Variants in PTPRT observed in about 807,000 individuals in gnomAD.
PTPRT encodes the protein protein tyrosine phosphatase receptor type T, also known as receptor-type tyrosine-protein phosphatase T.
A neutral mutation model predicts 176.8 loss-of-function variants in PTPRT; 56 were observed. The ratio of observed to expected loss-of-function variants is 0.32; its 90% CI spans 0.26 to 0.40. The LOEUF (loss-of-function observed/expected upper bound fraction) is 0.40, where lower values mean the gene tolerates loss of function less well. Among genes scored for constraint, PTPRT ranks in the 10% least tolerant of loss-of-function variants. The probability of loss-of-function intolerance (pLI) is 1.00; values close to 1 mark genes in which losing one functional copy is unlikely to be tolerated. For missense variants in PTPRT, 1,540 were observed against 1,908.2 expected, an observed-to-expected ratio of 0.81 and a Z score of 3.60; for synonymous variants, 783 against 739.0, an observed-to-expected ratio of 1.06 and a Z score of -0.96.
intron 23 of PTPRT, among the ~76,000 whole-genome samples, chr20:42,109,231 T>TGACA (rs1555869924): frequency 1.3e-5 from 2 of 152,174 alleles, no homozygotes; most frequent in Admixed American, 6.5e-5. Flanking sequence ...GTCTCTTGAC[T>TGACA]GACACAAACT....
chr20:42,122,024 G>A (rs1987617020), intron 19 of PTPRT, among the ~76,000 whole-genome samples: 2 of 152,182 alleles, frequency 1.3e-5, no homozygotes, highest in Admixed American at 6.5e-5. Context: ...AAGGTTGGCA[G>A]GGTAGGAGGG....
At chr20:42,533,987 G>C (rs965531183) in intron 7 of PTPRT, among the ~76,000 whole-genome samples, 1 of 151,316 alleles carries the variant, frequency 6.6e-6, no homozygotes, top group Non-Finnish European at 1.5e-5. Context: ...CCCTCTCTCT[G>C]TCCAGATGGA....
At chr20:42,581,532 A>T (rs1458318518) in intron 7 of PTPRT, among the ~76,000 whole-genome samples, 1 of 24,532 alleles carries the variant, frequency 4.1e-5, no homozygotes, top group African/African-American at 6.0e-4. Context: ...TGGCTGCATA[A>T]AAAAAAAAAA....
chr20:42,098,617 A>C, intron 26 of PTPRT, 65 bp from the exon 27 acceptor site: 1 of 1,593,088 alleles, frequency 6.3e-7, no homozygotes, highest in South Asian at 1.1e-5. Context: ...GATGATGATG[A>C]GGCCTGGACT....
chr20:43,144,590 C>T (rs1685828617), intron 1 of PTPRT, among the ~76,000 whole-genome samples: 1 of 152,110 alleles, frequency 6.6e-6, no homozygotes, highest in Non-Finnish European at 1.5e-5. Context: ...ATGTATGAGT[C>T]AATTTTTATG....
chr20:43,019,626 A>G (rs1272373838), intron 1 of PTPRT, among the ~76,000 whole-genome samples: 1 of 151,786 alleles, frequency 6.6e-6, no homozygotes, highest in Non-Finnish European at 1.5e-5. Flanking sequence ...TCAAAAAAAA[A>G]AAAAAAAAAA....
Position 42,102,208 on chromosome 20 carries a change from G to A in PTPRT, c.3630C>T (p.Asp1210=), listed in dbSNP as rs35010609. Residue 1210 remains aspartate (D), a synonymous_variant, in exon 26 of 31, where the codon GAC becomes GAT. Coordinates refer to ENST00000373187, the MANE Select transcript of PTPRT (RefSeq NM_007050.6). ...GCAGGCAGCGGTCCAGAGGCAGCAC[G>A]TCCATACTTCGATTCTTATCATGGT... The part of the protein sequence containing the change: ...PRNHDKNRSM[D]VLPLDRCLPF... 303 of 1,614,132 alleles carry A rather than the reference G, an allele frequency of 1.9e-4. 1 individual carries two copies. Among genetic ancestry groups the A allele is most frequent in the African/African-American group, 1.6e-3 (122 of 75,036 alleles).
intron 1 of PTPRT, among the ~76,000 whole-genome samples, chr20:43,062,300 T>C (rs1266168103): frequency 1.3e-5 from 2 of 152,234 alleles, no homozygotes; most frequent in East Asian, 3.8e-4. Context: ...GCTCTAGCTT[T>C]CAATCTCGCT....
chr20:42,109,110 T>TATC (rs1418652729), intron 23 of PTPRT, among the ~76,000 whole-genome samples: 2 of 152,172 alleles, frequency 1.3e-5, no homozygotes, highest in East Asian at 1.9e-4. Flanking sequence ...TCACTTGCCT[T>TATC]ATCTGTGAAA....
intron 2 of PTPRT, among the ~76,000 whole-genome samples, chr20:42,864,744 A>C (rs945818938): frequency 1.5e-4 from 23 of 152,204 alleles, no homozygotes; most frequent in African/African-American, 5.5e-4. Context: ...TCAAAGACCA[A>C]GGTTATCAAA....
chr20:42,248,726 A>G lies in PTPRT; in HGVS notation c.2273T>C (p.Ile758Thr). 1 of 1,614,044 alleles carries G rather than the reference A, an allele frequency of 6.2e-7. No individual in the cohort carries two copies. Among genetic ancestry groups the G allele is most frequent in the Non-Finnish European group, 8.5e-7 (1 of 1,179,958 alleles). ...GAGCATCACGCCCAGGAGAATGATG[A>G]TGAACATGAGGAGGCCAGCGATCAC... Reference protein sequence around the residue: ...AGVIAGLLMFIIILLGVMLTI... With the variant: ...AGVIAGLLMFTIILLGVMLTI... Residue 758 changes from isoleucine to threonine, a missense_variant, in exon 14 of 31, where the codon ATC becomes ACC. Coordinates refer to ENST00000373187, the MANE Select transcript of PTPRT (RefSeq NM_007050.6).
intron 7 of PTPRT, among the ~76,000 whole-genome samples, chr20:42,587,552 C>T (rs914233791): frequency 3.9e-5 from 6 of 152,224 alleles, no homozygotes; most frequent in Admixed American, 6.5e-5. Flanking sequence ...ACTTGGGCCA[C>T]GGACTGCAAC....
intron 2 of PTPRT, among the ~76,000 whole-genome samples, chr20:42,823,238 G>T (rs927299994): frequency 1.3e-5 from 2 of 152,130 alleles, no homozygotes; most frequent in African/African-American, 4.8e-5. Flanking sequence ...TGCTTTGCAG[G>T]GACATGGATG....
chr20:42,478,695 T>G (rs1176619153), intron 7 of PTPRT, among the ~76,000 whole-genome samples: 1 of 152,120 alleles, frequency 6.6e-6, no homozygotes, highest in Non-Finnish European at 1.5e-5. Context: ...TGACTTTCTC[T>G]AACAGTCTCC....
chr20:42,835,347 C>T (rs980821441), intron 2 of PTPRT, among the ~76,000 whole-genome samples: 1 of 152,080 alleles, frequency 6.6e-6, no homozygotes, highest in Non-Finnish European at 1.5e-5. Flanking sequence ...GAGATGTAAT[C>T]ACAATATGAG....
At chr20:42,703,266 A>G (rs912566450) in intron 6 of PTPRT, among the ~76,000 whole-genome samples, 7 of 152,186 alleles carry the variant, frequency 4.6e-5, no homozygotes, top group South Asian at 2.1e-4. Flanking sequence ...ATTCTATGGA[A>G]GTGCTGTTTG....
intron 15 of PTPRT, among the ~76,000 whole-genome samples, chr20:42,217,376 TACACACACACACACACACACACACAC>T (rs71335847): frequency 7.7e-5 from 8 of 104,374 alleles, no homozygotes; most frequent in African/African-American, 1.6e-4. Context: ...CTCTCAAACA[TACACACACACACACACACACACACAC>T]ACACACACAC....
At chr20:42,501,429 T>C (rs1419707024) in intron 7 of PTPRT, among the ~76,000 whole-genome samples, 1 of 152,202 alleles carries the variant, frequency 6.6e-6, no homozygotes, top group Non-Finnish European at 1.5e-5. Context: ...TTGCTGAAGA[T>C]ATATATGCAT....
At chr20:42,386,192 A>C (rs1389425102) in intron 9 of PTPRT, among the ~76,000 whole-genome samples, 2 of 152,202 alleles carry the variant, frequency 1.3e-5, no homozygotes, top group African/African-American at 4.8e-5. Context: ...GGTAAGGTCT[A>C]AGAGAAATGG....
Sources: allele counts gnomAD v4.1 joint callset (sites outside exome capture counted in the v4.1 genomes callset), GRCh38; gene constraint gnomAD v4.1.1; transcripts MANE v1.5; gene names NCBI Gene and HGNC (gene_info 2026-07-23, HGNC 2026-07-21).